The following ASTN2 variants were observed in gnomAD, a reference collection of about 807,000 sequenced individuals.
ASTN2 encodes the protein astrotactin 2, also known as astrotactin-2.
A neutral mutation model predicts 139.8 loss-of-function variants in ASTN2; 54 were observed. The observed-to-expected ratio is 0.39, with a 90% CI of 0.31 to 0.48. ASTN2 has a LOEUF of 0.48. ASTN2 is among the 20% of genes least tolerant of loss of function. The probability of loss-of-function intolerance (pLI) is 0.95; values close to 1 mark genes in which losing one functional copy is unlikely to be tolerated. For synonymous variants in ASTN2, 756 were observed against 719.5 expected, an observed-to-expected ratio of 1.05 and a Z score of -0.81; for missense variants, 1,565 against 1,725.1, an observed-to-expected ratio of 0.91 and a Z score of 1.64.
chr9:117,233,240 T>C (rs1832949786), intron 2 of ASTN2, among the ~76,000 whole-genome samples: 1 of 152,172 alleles, frequency 6.6e-6, no homozygotes, highest in African/African-American at 2.4e-5. Context: ...CGAGCATGTG[T>C]TCCTCGCTCC....
intron 3 of ASTN2, among the ~76,000 whole-genome samples, chr9:117,149,625 C>CA (rs1023059247): frequency 4.6e-5 from 7 of 151,038 alleles, no homozygotes; most frequent in Admixed American, 1.3e-4. Context: ...AACATAAATG[C>CA]AAAAAAAACC....
intron 10 of ASTN2, among the ~76,000 whole-genome samples, chr9:116,971,172 T>C (rs1664896218): frequency 6.6e-6 from 1 of 152,340 alleles, no homozygotes; most frequent in Non-Finnish European, 1.5e-5. Context: ...CTGTATGCAA[T>C]TCAGCTAGAG....
At chr9:116,659,932 G>C (rs1858454271) in intron 16 of ASTN2, among the ~76,000 whole-genome samples, 1 of 152,090 alleles carries the variant, frequency 6.6e-6, no homozygotes, top group Admixed American at 6.6e-5. Flanking sequence ...CTCATCCTAA[G>C]CATCAGACCC....
At chr9:116,915,012 G>T (rs1263243122) in intron 10 of ASTN2, among the ~76,000 whole-genome samples, 1 of 152,158 alleles carries the variant, frequency 6.6e-6, no homozygotes. Flanking sequence ...CACACAGGAG[G>T]AGCCCAGGAT....
intron 7 of ASTN2, among the ~76,000 whole-genome samples, chr9:116,983,483 C>T (rs755276178): frequency 6.6e-6 from 1 of 152,196 alleles, no homozygotes; most frequent in Non-Finnish European, 1.5e-5. Context: ...GTCTCCAAAG[C>T]TCATGCTTGC....
intron 1 of ASTN2, among the ~76,000 whole-genome samples, chr9:117,313,143 C>T (rs1156927202): frequency 3.9e-5 from 6 of 152,218 alleles, no homozygotes. Context: ...ACCAGGGTGG[C>T]AATCTCAATC....
At chr9:116,648,319 G>A (rs781380562) in intron 17 of ASTN2, among the ~76,000 whole-genome samples, 1 of 151,830 alleles carries the variant, frequency 6.6e-6, no homozygotes, top group African/African-American at 2.4e-5. Flanking sequence ...TTTCAGAAAT[G>A]GTGGTCTCCC....
chr9:116,618,082 C>T (rs1041690213), intron 19 of ASTN2, among the ~76,000 whole-genome samples: 1 of 152,134 alleles, frequency 6.6e-6, no homozygotes, highest in African/African-American at 2.4e-5. Context: ...AGTTCTCTGA[C>T]ATAATATTTT....
At chr9:116,652,110 G>A (rs1857951277) in intron 16 of ASTN2, among the ~76,000 whole-genome samples, 1 of 151,902 alleles carries the variant, frequency 6.6e-6, no homozygotes, top group African/African-American at 2.4e-5. Context: ...GACCACCTGA[G>A]GTCAAGAGTT....
chr9:117,340,624 G>A (rs926961099), intron 1 of ASTN2, among the ~76,000 whole-genome samples: 6 of 152,174 alleles, frequency 3.9e-5, no homozygotes, highest in African/African-American at 1.4e-4. Context: ...CTTAGTGTGA[G>A]ACCTTGGACA....
chr9:117,311,824 G>T (rs893459738), intron 1 of ASTN2, among the ~76,000 whole-genome samples: 15 of 152,164 alleles, frequency 9.9e-5, no homozygotes, highest in African/African-American at 3.6e-4. Context: ...ATGAATGTTC[G>T]TGAAGTGAAC....
intron 1 of ASTN2, among the ~76,000 whole-genome samples, chr9:117,332,165 T>G (rs1020104815): frequency 2.9e-4 from 44 of 152,212 alleles, no homozygotes; most frequent in Admixed American, 6.5e-4. Flanking sequence ...AAAACCTACT[T>G]TGCTTCATAA....
chr9:116,778,276 T>C (rs1180758612), intron 13 of ASTN2, among the ~76,000 whole-genome samples: 2 of 151,956 alleles, frequency 1.3e-5, no homozygotes, highest in Non-Finnish European at 2.9e-5. Context: ...GACTCTGGAA[T>C]CCAAAAGTAG....
At chr9:117,405,195 A>C (rs1830947709) in intron 1 of ASTN2, among the ~76,000 whole-genome samples, 1 of 152,204 alleles carries the variant, frequency 6.6e-6, no homozygotes, top group Admixed American at 6.5e-5. Flanking sequence ...ATGACATAAG[A>C]AGTAAAAAAG....
At chr9:116,596,505 G>A (rs1854586525) in intron 19 of ASTN2, among the ~76,000 whole-genome samples, 1 of 152,106 alleles carries the variant, frequency 6.6e-6, no homozygotes, top group African/African-American at 2.4e-5. Flanking sequence ...GAGGCGATGG[G>A]TATGTTTGTA....
chr9:117,296,951 G>T (rs1026817678), intron 1 of ASTN2, among the ~76,000 whole-genome samples: 2 of 152,128 alleles, frequency 1.3e-5, no homozygotes, highest in African/African-American at 4.8e-5. Flanking sequence ...ATCCTGCCTC[G>T]GTGGCCACTG....
chr9:116,613,908 T>C (rs931996846), intron 19 of ASTN2, among the ~76,000 whole-genome samples: 5 of 152,176 alleles, frequency 3.3e-5, no homozygotes, highest in Non-Finnish European at 7.3e-5. Flanking sequence ...ATAAAGGGTA[T>C]TCAATTAGGA....
chr9:117,115,255 A>T (rs1204120295), intron 4 of ASTN2, among the ~76,000 whole-genome samples: 1 of 152,148 alleles, frequency 6.6e-6, no homozygotes, highest in South Asian at 2.1e-4. Flanking sequence ...GATGGCTCAC[A>T]CCTGTAATCC....
chr9:116,972,285 T>G (rs1271066322), intron 10 of ASTN2, among the ~76,000 whole-genome samples: 1 of 152,232 alleles, frequency 6.6e-6, no homozygotes, highest in Admixed American at 6.5e-5. Context: ...ATTTGTTAGA[T>G]TCATCCAAGG....
Sources: allele counts gnomAD v4.1 joint callset (sites outside exome capture counted in the v4.1 genomes callset), GRCh38; gene constraint gnomAD v4.1.1; transcripts MANE v1.5; gene names NCBI Gene and HGNC (gene_info 2026-07-23, HGNC 2026-07-21).